Variants in NRG4 observed in about 807,000 individuals in gnomAD.
The protein encoded by NRG4 is neuregulin 4, also known as pro-neuregulin-4, membrane-bound isoform.
A neutral mutation model predicts 15.0 loss-of-function variants in NRG4; 10 were observed. The ratio of observed to expected loss-of-function variants is 0.67; its 90% CI spans 0.41 to 1.13. The LOEUF is 1.13. Ranked by LOEUF, NRG4 falls within the 50% of genes most tolerant of loss-of-function variation. NRG4 has a pLI of 0.00. For synonymous variants in NRG4, 41 were observed against 50.1 expected (o/e 0.82, Z 0.77); for missense variants, 139 against 140.2 (o/e 0.99, Z 0.04).
rs372861978 is a variant in NRG4, at chr15:75,972,306, A to C, written c.105-10332T>G. On this transcript the variant is annotated intron_variant, in intron 3 of 5. Transcript: ENST00000394907. Reference sequence around the variant, plus strand: ...ATGGATAGATTGCAAAAATTTTCTCACATTCTGTAGGTTGCCTGTTCACTC... The same window carrying C: ...ATGGATAGATTGCAAAAATTTTCTCCCATTCTGTAGGTTGCCTGTTCACTC... Among the ~76,000 whole-genome samples the C allele has an allele frequency of 9.4e-4, 143 of 152,026 alleles. No homozygotes were observed. The East Asian group carries it at 0.019, about 20-fold the overall frequency.
At chr15:76,031,245 T>C (rs1388785553) in intron 5 of NRG4, among the ~76,000 whole-genome samples, 1 of 152,230 alleles carries the variant, frequency 6.6e-6, no homozygotes, top group Non-Finnish European at 1.5e-5. Flanking sequence ...ACTAAAAACC[T>C]ACAATTAGCA....
At chr15:76,044,611 G>A (rs2035825930) in intron 4 of NRG4, among the ~76,000 whole-genome samples, 1 of 149,568 alleles carries the variant, frequency 6.7e-6, no homozygotes. Context: ...TGAGGTGGGT[G>A]GATCATGAGG....
chr15:75,961,932 A>G lies in NRG4; in HGVS notation c.147T>C (p.Phe49=), dbSNP rs1234917147. 1 of 1,613,448 alleles carries G rather than the reference A, an allele frequency of 6.2e-7. No homozygotes were observed. The highest frequency in any genetic ancestry group is 8.5e-7 in the Non-Finnish European group (1 of 1,179,414). The change falls in exon 4 of 6, where the codon TTT becomes TTC. Residue 49 remains phenylalanine (F), a synonymous_variant. Coordinates refer to ENST00000394907, the MANE Select transcript of NRG4 (RefSeq NM_138573.4). The part of the protein sequence containing the change: ...NYTGARCEEV[F]LPGSSIQTKS... ...TAGTTTGGATGCTGGAGCCTGGGAGAAAAACCTCTTCACAACGAGCTCCTG... is the reference window on the plus strand; with the variant it reads ...TAGTTTGGATGCTGGAGCCTGGGAGGAAAACCTCTTCACAACGAGCTCCTG...
At chr15:76,050,733 C>T (rs925158942) in intron 4 of NRG4, among the ~76,000 whole-genome samples, 9 of 147,348 alleles carry the variant, frequency 6.1e-5, no homozygotes, top group East Asian at 4.0e-4. Flanking sequence ...CGTAAGCCAC[C>T]GTGCCCAGCC....
chr15:76,055,311 A>G (rs1187815899), intron 2 of NRG4, among the ~76,000 whole-genome samples: 2 of 152,210 alleles, frequency 1.3e-5, no homozygotes, highest in African/African-American at 2.4e-5. Context: ...GGATAATTCC[A>G]TGAAACAAAA....
intron 3 of NRG4, among the ~76,000 whole-genome samples, chr15:75,976,964 G>C (rs1006728923): frequency 6.6e-6 from 1 of 152,194 alleles, no homozygotes; most frequent in Non-Finnish European, 1.5e-5. Context: ...GTCCCAGGCA[G>C]ATAGGAGTTT....
At chr15:75,978,785 G>C (rs994322854) in intron 3 of NRG4, among the ~76,000 whole-genome samples, 1 of 152,072 alleles carries the variant, frequency 6.6e-6, no homozygotes, top group South Asian at 2.1e-4. Flanking sequence ...TTTCCCCTAT[G>C]GTTAGCGATG....
intron 3 of NRG4, among the ~76,000 whole-genome samples, chr15:75,973,737 A>G (rs1318213897): frequency 6.6e-6 from 1 of 152,144 alleles, no homozygotes; most frequent in African/African-American, 2.4e-5. Context: ...GTGGTGGATA[A>G]GCTTTTTGAT....
chr15:76,035,630 C>G (rs2035581574), intron 5 of NRG4, among the ~76,000 whole-genome samples: 1 of 152,162 alleles, frequency 6.6e-6, no homozygotes, highest in African/African-American at 2.4e-5. Context: ...CAGAAATCCC[C>G]ACTCAAGCAA....
At chr15:75,971,498 T>C (rs1348798559) in intron 3 of NRG4, among the ~76,000 whole-genome samples, 2 of 152,246 alleles carry the variant, frequency 1.3e-5, no homozygotes. Context: ...GCCTAACTTG[T>C]AGACATGAAG....
At chr15:76,051,404 G>T (rs1461644414) in intron 4 of NRG4, among the ~76,000 whole-genome samples, 1 of 150,626 alleles carries the variant, frequency 6.6e-6, no homozygotes, top group Non-Finnish European at 1.5e-5. Flanking sequence ...GCTTCCCAAA[G>T]TGCTGTGATT....
intron 5 of NRG4, among the ~76,000 whole-genome samples, chr15:75,948,939 T>C (rs1206731494): frequency 1.3e-5 from 2 of 152,054 alleles, no homozygotes; most frequent in Non-Finnish European, 2.9e-5. Flanking sequence ...TAGTCTCAAA[T>C]ACTTGGAAGG....
chr15:75,967,548 G>A lies in NRG4; in HGVS notation c.105-5574C>T, dbSNP rs2032868814. ...GTGATCTCAGCTCACTGCAACCTCT[G>A]CCTTCTGAGTTCAAGAGATTCTCCT... On this transcript the variant is annotated intron_variant, in intron 3 of 5. Transcript: ENST00000394907. Among the ~76,000 whole-genome samples the A allele has an allele frequency of 2.9e-5, 4 of 136,832 alleles. No individual in the cohort carries two copies. In the Admixed American group the frequency reaches 3.4e-4, roughly 12 times the overall value. 89.8% of individuals were successfully genotyped at this position (136,832 alleles called of 152,430 possible). A position where few individuals can be genotyped will look rare whatever the true frequency, so the allele number is the denominator to read the frequency against.
upstream of NRG4, among the ~76,000 whole-genome samples, chr15:76,014,741 C>T (rs2034923380): frequency 6.6e-6 from 1 of 152,142 alleles, no homozygotes; most frequent in Non-Finnish European, 1.5e-5. Context: ...GTTTTGGTTA[C>T]TGTAGTCTTG....
intron 3 of NRG4, among the ~76,000 whole-genome samples, chr15:75,980,691 A>G (rs2033571305): frequency 6.6e-6 from 1 of 152,202 alleles, no homozygotes; most frequent in East Asian, 1.9e-4. Context: ...AAAGGTACTT[A>G]GGATACCCTA....
chr15:76,027,739 A>T (rs188542886), intron 5 of NRG4, among the ~76,000 whole-genome samples: 111 of 152,282 alleles, frequency 7.3e-4, no homozygotes, highest in African/African-American at 2.6e-3. Flanking sequence ...GATTTTTTTC[A>T]TCAGCACATG....
chr15:75,979,090 G>A (rs543241392), intron 3 of NRG4, among the ~76,000 whole-genome samples: 4 of 152,042 alleles, frequency 2.6e-5, no homozygotes, highest in African/African-American at 9.6e-5. Context: ...CACTCTGTTG[G>A]CTGTTCCTTT....
At chr15:76,004,050 A>C (rs2034506427) in intron 3 of NRG4, among the ~76,000 whole-genome samples, 1 of 152,228 alleles carries the variant, frequency 6.6e-6, no homozygotes, top group African/African-American at 2.4e-5. Flanking sequence ...ACATAATTTA[A>C]GAGATTAATG....
chr15:75,997,578 ATACGTCTGGG>A (rs2034261606), intron 3 of NRG4, among the ~76,000 whole-genome samples: 1 of 152,180 alleles, frequency 6.6e-6, no homozygotes, highest in Non-Finnish European at 1.5e-5. Flanking sequence ...TAAGATAGAA[ATACGTCTGGG>A]TACAGTGTGA....
Sources: allele counts gnomAD v4.1 joint callset (sites outside exome capture counted in the v4.1 genomes callset), GRCh38; gene constraint gnomAD v4.1.1; transcripts MANE v1.5; gene names NCBI Gene and HGNC (gene_info 2026-07-23, HGNC 2026-07-21).